USP25: variants seen among roughly 807,000 people sequenced by gnomAD.
The protein encoded by USP25 is ubiquitin carboxyl-terminal hydrolase 25.
In USP25, 85 loss-of-function variants were observed where a neutral mutation model predicts 158.5. That is an observed-to-expected ratio of 0.54 (90% CI 0.45 to 0.64). The LOEUF (loss-of-function observed/expected upper bound fraction) is 0.64, where lower values mean the gene tolerates loss of function less well. USP25 is among the 30% of genes least tolerant of loss of function. The pLI is 0.00. For missense variants in USP25, 1,242 were observed against 1,327.3 expected, an observed-to-expected ratio of 0.94 and a Z score of 1.00; for synonymous variants, 464 against 460.4, an observed-to-expected ratio of 1.01 and a Z score of -0.10.
intron 14 of USP25, among the ~76,000 whole-genome samples, chr21:15,829,149 C>A (rs764280955): frequency 3.3e-5 from 5 of 152,034 alleles, no homozygotes; most frequent in Non-Finnish European, 5.9e-5. Flanking sequence ...TATTTATACA[C>A]TTCTGTAAGT....
chr21:15,762,471 A>G (rs984986550), intron 1 of USP25, among the ~76,000 whole-genome samples: 1 of 152,186 alleles, frequency 6.6e-6, no homozygotes, highest in Non-Finnish European at 1.5e-5. Context: ...GTAGATCTGA[A>G]GATCTCCGTG....
chr21:15,806,057 G>A (rs928595241), intron 7 of USP25, among the ~76,000 whole-genome samples: 12 of 149,960 alleles, frequency 8.0e-5, no homozygotes, highest in Non-Finnish European at 1.5e-4. Context: ...AAATGTGAAT[G>A]AACAAAAAGG....
intron 4 of USP25, among the ~76,000 whole-genome samples, chr21:15,785,551 A>G (rs1246195738): frequency 6.6e-6 from 1 of 152,270 alleles, no homozygotes; most frequent in African/African-American, 2.4e-5. Flanking sequence ...ATGGAAGTTA[A>G]TATGCACCTT....
At chr21:15,770,646 C>T (rs950403886) in intron 3 of USP25, among the ~76,000 whole-genome samples, 1 of 152,122 alleles carries the variant, frequency 6.6e-6, no homozygotes, top group Non-Finnish European at 1.5e-5. Context: ...CTGAGCTGTT[C>T]AATATAGTTG....
Position 15,827,009 on chromosome 21 carries a change from A to T in USP25, c.1499A>T (p.Glu500Val). 6.2e-7 allele frequency: 1 copy of T among 1,614,098 alleles called. No individual in the cohort carries two copies. The highest frequency in any genetic ancestry group is 8.5e-7 in the Non-Finnish European group (1 of 1,180,018). The change falls in exon 14 of 26, where the codon GAA (glutamate) becomes GTA (valine). Residue 500 changes from glutamate to valine, a missense_variant. Physicochemically the swap from Glu to Val is moderately radical, Grantham distance 121. This residue lies in a region of USP25 where 627 missense variants were observed against 701.4 expected (regional missense o/e 0.89). Coordinates refer to ENST00000400183, the MANE Select transcript of USP25 (RefSeq NM_001283041.3). Reference sequence around the variant, plus strand: ...GAACAACAGGGAGCCCTATCTTCAGAACTGCCAAGCACATCACCTTCATCA... The same window carrying T: ...GAACAACAGGGAGCCCTATCTTCAGTACTGCCAAGCACATCACCTTCATCA... Reference protein sequence around the residue: ...TTEQQGALSSELPSTSPSSVA... With the variant: ...TTEQQGALSSVLPSTSPSSVA...
intron 1 of USP25, among the ~76,000 whole-genome samples, chr21:15,731,650 G>A (rs2030918075): frequency 6.6e-6 from 1 of 152,208 alleles, no homozygotes; most frequent in Admixed American, 6.5e-5. Context: ...GGCACGTTGG[G>A]AAAGTTGTTT....
intron 7 of USP25, among the ~76,000 whole-genome samples, chr21:15,807,806 G>A (rs1035954748): frequency 6.6e-6 from 1 of 152,100 alleles, no homozygotes; most frequent in African/African-American, 2.4e-5. Context: ...ATTCTAAATA[G>A]TGTCACATTT....
At chr21:15,774,461 A>C (rs1300887764) in intron 3 of USP25, among the ~76,000 whole-genome samples, 1 of 152,124 alleles carries the variant, frequency 6.6e-6, no homozygotes, top group Non-Finnish European at 1.5e-5. Flanking sequence ...CAACAGATAC[A>C]TTTGTTTTCC....
At chr21:15,860,459 A>G (rs1489878028) in intron 20 of USP25, among the ~76,000 whole-genome samples, 1 of 152,100 alleles carries the variant, frequency 6.6e-6, no homozygotes. Context: ...CTGGCCTGGA[A>G]ATTTTTTTGA....
At chr21:15,767,570 T>C (rs2034112952) in intron 3 of USP25, among the ~76,000 whole-genome samples, 1 of 152,046 alleles carries the variant, frequency 6.6e-6, no homozygotes, top group South Asian at 2.1e-4. Flanking sequence ...GAGAAGCTTG[T>C]TGCAAAAAGT....
intron 20 of USP25, among the ~76,000 whole-genome samples, chr21:15,857,291 G>T (rs532132161): frequency 6.6e-6 from 1 of 152,242 alleles, no homozygotes; most frequent in South Asian, 2.1e-4. Context: ...GAATATTTGA[G>T]TTATTTTCAA....
intron 6 of USP25, among the ~76,000 whole-genome samples, chr21:15,802,723 A>G (rs1237017073): frequency 1.3e-5 from 2 of 151,756 alleles, no homozygotes; most frequent in African/African-American, 4.8e-5. Context: ...TTTTCAATTA[A>G]TGATAGCAGC....
chr21:15,824,251 T>G, intron 11 of USP25, 85 bp downstream of exon 11: 1 of 1,507,420 alleles, frequency 6.6e-7, no homozygotes, highest in Non-Finnish European at 8.9e-7. Context: ...CTGCATAATT[T>G]TCTTAGAATT....
At position 15,824,975 on chromosome 21, in the gene USP25, C is replaced by G; in HGVS notation, c.1218C>G (p.His406Gln). 6.2e-7 allele frequency: 1 copy of G among 1,609,720 alleles called. No individual in the cohort carries two copies. Residue 406 changes from histidine to glutamine, a missense_variant, in exon 12 of 26, where the codon CAC becomes CAG. This residue lies in a region of USP25 where 627 missense variants were observed against 701.4 expected (regional missense o/e 0.89). Transcript: ENST00000400183. ...PQVLYLDRYMHRNREITRIKR... is the reference protein window; with the variant it reads ...PQVLYLDRYMQRNREITRIKR... Reference sequence around the variant, plus strand: ...TACCTTTTTCTGATAGATACATGCACAGAAACAGAGAAATAACAAGAATTA... The same window carrying G: ...TACCTTTTTCTGATAGATACATGCAGAGAAACAGAGAAATAACAAGAATTA...
rs757618372 is a variant in USP25, at chr21:15,735,968, GTGTGTGTGTGTGTA to G, written c.45+5544_45+5557del. ...GTCTAAAGTTTTGTCCTAAATCTGT[GTGTGTGTGTGTGTA>G]TGTGTGTGTGTGTGTGTGTGTATGT... is the stretch of plus-strand genomic sequence containing the variant. On this transcript the variant is annotated intron_variant, in intron 1 of 25. Coordinates refer to ENST00000400183, the MANE Select transcript of USP25 (RefSeq NM_001283041.3). Among the ~76,000 whole-genome samples, 713 of 147,564 alleles carry G rather than the reference GTGTGTGTGTGTGTA, an allele frequency of 4.8e-3. 7 individuals carry two copies. In the Middle Eastern group the frequency reaches 0.059, roughly 12 times the overall value.
At position 15,877,999 on chromosome 21, in the gene USP25, T is replaced by G; in HGVS notation, c.3205+8T>G. 1 of 1,603,786 alleles carries G rather than the reference T, an allele frequency of 6.2e-7. No individual in the cohort carries two copies. Among genetic ancestry groups the G allele is most frequent in the East Asian group, 2.2e-5 (1 of 44,726 alleles). On this transcript the variant is annotated splice_region_variant and intron_variant, in intron 25 of 25. Coordinates refer to ENST00000400183, the MANE Select transcript of USP25 (RefSeq NM_001283041.3). ...TTGGTCAAGAAATGGAACGTAAGTT[T>G]AAACAATGGTAGTAGGCACCTGAGA...
rs1189949313 is a variant in USP25, at chr21:15,833,488, T to G, written c.2134T>G (p.Leu712Val). The G allele has an allele frequency of 6.2e-7, 1 of 1,613,946 alleles. No homozygotes were observed. Among genetic ancestry groups the G allele is most frequent in the Non-Finnish European group, 8.5e-7 (1 of 1,179,990 alleles). The stretch of plus-strand genomic sequence containing the variant: ...GGATGCACAACTTGCCCAGAAAGCT[T>G]TGCAGGAAAAGCTTTTAGCGTCTCA... ...EWDAQLAQKA[L>V]QEKLLASQKL... Residue 712 changes from leucine to valine, a missense_variant, in exon 17 of 26, where the codon TTG (leucine) becomes GTG (valine). Physicochemically the swap from Leu to Val is conservative, Grantham distance 32. Transcript: ENST00000400183.
In USP25 at chr21:15,824,029, T is replaced by C; in HGVS notation, c.1081-10T>C. The C allele has an allele frequency of 1.2e-6, 2 of 1,609,070 alleles. No homozygotes were observed. Among genetic ancestry groups the C allele is most frequent in the Non-Finnish European group, 1.7e-6 (2 of 1,177,450 alleles). The stretch of plus-strand genomic sequence containing the variant: ...ATTAAAGTTTTTGTTATTGTTTTAT[T>C]TCCTTTCAGCATTGGTTTACTGAAT... On this transcript the variant is annotated splice_polypyrimidine_tract_variant and intron_variant, in intron 10 of 25. Transcript: ENST00000400183.
At position 15,751,641 on chromosome 21, in the gene USP25, A is replaced by G. The variant is rs531614468; in HGVS notation, c.46-11250A>G. On this transcript the variant is annotated intron_variant, in intron 1 of 25. Coordinates refer to ENST00000400183, the MANE Select transcript of USP25 (RefSeq NM_001283041.3). ...GTGATTTAAGGATATGATTTGATTC[A>G]TAAAAGTTTTGTTTACCTACTTGTT... Among the ~76,000 whole-genome samples the G allele has an allele frequency of 3.9e-5, 6 of 152,352 alleles. No individual in the cohort carries two copies. The South Asian group carries it at 1.0e-3, about 26-fold the overall frequency.
Sources: gnomAD v4.1 joint callset for allele counts (sites outside exome capture counted in the v4.1 genomes callset) on GRCh38, gnomAD v4.1.1 for gene constraint, gnomAD v4.1.1 regional missense constraint, MANE v1.5 for transcripts, NCBI Gene and HGNC (gene_info 2026-07-23, HGNC 2026-07-21) for gene names.